Variants in RBKS observed in about 807,000 individuals in gnomAD.
The protein encoded by RBKS is ribokinase.
Under a neutral mutation model 33.9 loss-of-function variants are expected in RBKS, and 33 were observed. The observed-to-expected ratio is 0.97, with a 90% CI of 0.74 to 1.30. The LOEUF (loss-of-function observed/expected upper bound fraction) is 1.30. RBKS is among the 50% of genes most tolerant of loss of function. The probability of loss-of-function intolerance (pLI) is 0.00; values close to 1 mark genes in which losing one functional copy is unlikely to be tolerated. For missense variants in RBKS, 361 were observed against 392.6 expected, an observed-to-expected ratio of 0.92 and a Z score of 0.68; for synonymous variants, 125 against 143.0, an observed-to-expected ratio of 0.87 and a Z score of 0.90.
At chr2:27,819,234 G>A (rs1007709002) in intron 7 of RBKS, among the ~76,000 whole-genome samples, 2 of 152,116 alleles carry the variant, frequency 1.3e-5, no homozygotes, top group African/African-American at 4.8e-5. Flanking sequence ...CTCTTGGCTT[G>A]TAGGTGGCCA....
intron 7 of RBKS, among the ~76,000 whole-genome samples, chr2:27,816,638 GA>G (rs1678102034): frequency 1.3e-5 from 2 of 151,432 alleles, no homozygotes; most frequent in African/African-American, 4.9e-5. Context: ...TGTTTTTGAG[GA>G]GTCTCCCTCT....
chr2:27,811,864 AAAGTG>A (rs1166405929), intron 7 of RBKS, among the ~76,000 whole-genome samples: 1 of 152,140 alleles, frequency 6.6e-6, no homozygotes, highest in African/African-American at 2.4e-5. Flanking sequence ...GGTTTCAAGC[AAAGTG>A]GAGTGCTGGA....
chr2:27,799,787 G>A (rs1361644491), intron 7 of RBKS, among the ~76,000 whole-genome samples: 1 of 152,190 alleles, frequency 6.6e-6, no homozygotes, highest in African/African-American at 2.4e-5. Context: ...TTTCAAGGAG[G>A]GCTGCGCCAG....
intron 7 of RBKS, among the ~76,000 whole-genome samples, chr2:27,792,214 A>G (rs1677543683): frequency 6.6e-6 from 1 of 152,236 alleles, no homozygotes; most frequent in Non-Finnish European, 1.5e-5. Flanking sequence ...CTGCTCTTCC[A>G]GTCTAAAGAT....
At chr2:27,867,517 G>C (rs1260857275) in intron 1 of RBKS, among the ~76,000 whole-genome samples, 1 of 152,108 alleles carries the variant, frequency 6.6e-6, no homozygotes, top group Non-Finnish European at 1.5e-5. Flanking sequence ...GGGACGAAAA[G>C]GGGCACATCC....
At chr2:27,838,602 G>C (rs997635776) in intron 5 of RBKS, among the ~76,000 whole-genome samples, 2 of 152,192 alleles carry the variant, frequency 1.3e-5, no homozygotes, top group Non-Finnish European at 2.9e-5. Flanking sequence ...CATAAAGAAA[G>C]CATTCTTCTC....
intron 1 of RBKS, among the ~76,000 whole-genome samples, chr2:27,884,630 A>C (rs1480798490): frequency 6.6e-6 from 1 of 152,020 alleles, no homozygotes; most frequent in African/African-American, 2.4e-5. Context: ...TTATTCCACT[A>C]TCCAATTAAA....
At chr2:27,847,429 G>A (rs1041286075) in intron 3 of RBKS, among the ~76,000 whole-genome samples, 1 of 152,106 alleles carries the variant, frequency 6.6e-6, no homozygotes, top group African/African-American at 2.4e-5. Flanking sequence ...TTCATTGAAA[G>A]GAATGTCAGA....
chr2:27,875,227 T>C (rs1277600152), intron 1 of RBKS, among the ~76,000 whole-genome samples: 2 of 152,164 alleles, frequency 1.3e-5, no homozygotes, highest in African/African-American at 4.8e-5. Flanking sequence ...TGAAGGCAAA[T>C]AGGCAATATA....
chr2:27,811,266 C>G (rs1225056665), intron 7 of RBKS, among the ~76,000 whole-genome samples: 1 of 152,198 alleles, frequency 6.6e-6, no homozygotes, highest in Non-Finnish European at 1.5e-5. Flanking sequence ...GCTGTATGGA[C>G]TATGCACTCT....
chr2:27,840,017 CTTCTTTTTT>C (rs1252834344), intron 5 of RBKS, among the ~76,000 whole-genome samples: 68 of 148,686 alleles, frequency 4.6e-4, no homozygotes, highest in African/African-American at 1.7e-3. Flanking sequence ...TACCACTCTT[CTTCTTTTTT>C]TTTTTTTTTT....
intron 1 of RBKS, among the ~76,000 whole-genome samples, chr2:27,873,221 T>G (rs1212216017): frequency 1.3e-5 from 2 of 152,094 alleles, no homozygotes; most frequent in Non-Finnish European, 2.9e-5. Flanking sequence ...AACTAACCAG[T>G]TAAATAATGC....
chr2:27,882,794 G>A (rs1482924922), intron 1 of RBKS, among the ~76,000 whole-genome samples: 1 of 152,168 alleles, frequency 6.6e-6, no homozygotes, highest in African/African-American at 2.4e-5. Context: ...GATGGAGCTG[G>A]AGGCCATTAT....
intron 7 of RBKS, among the ~76,000 whole-genome samples, chr2:27,785,778 AAG>A (rs906354128): frequency 6.6e-6 from 1 of 151,938 alleles, no homozygotes; most frequent in African/African-American, 2.4e-5. Context: ...AAAAAAAAGA[AAG>A]AAAGAAAATG....
intron 7 of RBKS, among the ~76,000 whole-genome samples, chr2:27,813,843 C>T (rs927261340): frequency 1.3e-5 from 2 of 152,234 alleles, no homozygotes; most frequent in South Asian, 4.1e-4. Flanking sequence ...AAATTCAGAT[C>T]TAGATTCCCT....
At chr2:27,817,154 A>G (rs1206315071) in intron 7 of RBKS, among the ~76,000 whole-genome samples, 1 of 152,198 alleles carries the variant, frequency 6.6e-6, no homozygotes, top group Non-Finnish European at 1.5e-5. Context: ...GCCTGTTATT[A>G]TATGCCAAGC....
At chr2:27,875,048 A>G (rs925119227) in intron 1 of RBKS, among the ~76,000 whole-genome samples, 4 of 152,232 alleles carry the variant, frequency 2.6e-5, no homozygotes, top group Non-Finnish European at 4.4e-5. Context: ...GCAACTCACA[A>G]AAGAAACACA....
chr2:27,787,156 T>C (rs1243482137), intron 7 of RBKS, among the ~76,000 whole-genome samples: 1 of 152,192 alleles, frequency 6.6e-6, no homozygotes, highest in African/African-American at 2.4e-5. Context: ...ACCCAGCTAA[T>C]CTTTTTATAT....
At chr2:27,789,331 T>C (rs1012829109) in intron 7 of RBKS, among the ~76,000 whole-genome samples, 2 of 151,894 alleles carry the variant, frequency 1.3e-5, no homozygotes, top group African/African-American at 4.8e-5. Context: ...AAATTTGAAA[T>C]CCAATATACT....
Sources: allele counts gnomAD v4.1 joint callset (sites outside exome capture counted in the v4.1 genomes callset), GRCh38; gene constraint gnomAD v4.1.1; transcripts MANE v1.5; gene names NCBI Gene and HGNC (gene_info 2026-07-23, HGNC 2026-07-21).